AFG1L: variants seen among roughly 807,000 people sequenced by gnomAD.
The protein encoded by AFG1L is AFG1-like ATPase.
In AFG1L, 53 loss-of-function variants were observed where a neutral mutation model predicts 62.2. The ratio of observed to expected loss-of-function variants is 0.85; its 90% CI spans 0.68 to 1.07. The LOEUF (loss-of-function observed/expected upper bound fraction) is 1.07, where lower values mean the gene tolerates loss of function less well. Among genes scored for constraint, AFG1L ranks in the 50% least tolerant of loss-of-function variants. The pLI is 0.00. For missense variants in AFG1L, 555 were observed against 590.5 expected (o/e 0.94, Z 0.62); for synonymous variants, 228 against 210.3 (o/e 1.08, Z -0.73).
At chr6:108,332,447 G>C (rs1778309438) in intron 2 of AFG1L, among the ~76,000 whole-genome samples, 3 of 152,174 alleles carry the variant, frequency 2.0e-5, no homozygotes. Flanking sequence ...GTAGGAAAAG[G>C]ATTGTCTATT....
intron 8 of AFG1L, 91 bp from the exon 9 acceptor site, chr6:108,476,774 T>A (rs911809870): frequency 1.2e-6 from 1 of 847,598 alleles, no homozygotes; most frequent in Non-Finnish European, 2.0e-6. Flanking sequence ...TCTTTTTTTT[T>A]ATGGGCAAAA....
chr6:108,397,549 G>A (rs74773563), intron 6 of AFG1L, among the ~76,000 whole-genome samples: 4,576 of 152,238 alleles, frequency 0.03, 210 homozygotes, highest in African/African-American at 0.1. Flanking sequence ...GAGCCATGAC[G>A]CTCCGCCTTT....
At chr6:108,516,377 A>G (rs1449760187) in intron 11 of AFG1L, among the ~76,000 whole-genome samples, 1 of 152,238 alleles carries the variant, frequency 6.6e-6, no homozygotes, top group Non-Finnish European at 1.5e-5. Context: ...AATCCAGCAT[A>G]TCTACAGAAC....
intron 6 of AFG1L, among the ~76,000 whole-genome samples, chr6:108,377,150 G>A (rs140077644): frequency 8.1e-4 from 123 of 151,974 alleles, no homozygotes; most frequent in Non-Finnish European, 1.6e-3. Context: ...TTACATGTGA[G>A]ATGCGTCTCT....
At chr6:108,411,621 T>C (rs1220292270) in intron 7 of AFG1L, among the ~76,000 whole-genome samples, 1 of 152,240 alleles carries the variant, frequency 6.6e-6, no homozygotes, top group East Asian at 1.9e-4. Context: ...CTGCAGCCTC[T>C]GCTGCTGATA....
chr6:108,417,894 T>A (rs1367958588), intron 7 of AFG1L, among the ~76,000 whole-genome samples: 1 of 152,104 alleles, frequency 6.6e-6, no homozygotes, highest in East Asian at 1.9e-4. Context: ...AGTGCAGTGG[T>A]GCAATCTCGG....
At chr6:108,459,357 C>G (rs1772369166) in intron 8 of AFG1L, among the ~76,000 whole-genome samples, 1 of 152,214 alleles carries the variant, frequency 6.6e-6, no homozygotes, top group Non-Finnish European at 1.5e-5. Context: ...AGTCTGGAAA[C>G]TCACTAGGCA....
At chr6:108,386,335 C>T (rs1015092947) in intron 6 of AFG1L, among the ~76,000 whole-genome samples, 1 of 152,092 alleles carries the variant, frequency 6.6e-6, no homozygotes, top group African/African-American at 2.4e-5. Context: ...GTGGCGCATA[C>T]CTGTAATCCC....
At chr6:108,484,630 C>G (rs1291479185) in intron 10 of AFG1L, among the ~76,000 whole-genome samples, 5 of 152,124 alleles carry the variant, frequency 3.3e-5, no homozygotes, top group African/African-American at 9.7e-5. Flanking sequence ...AGGACATGTT[C>G]AGATAGGTGC....
chr6:108,419,548 G>C (rs544761519), intron 7 of AFG1L, among the ~76,000 whole-genome samples: 12 of 152,054 alleles, frequency 7.9e-5, no homozygotes, highest in Non-Finnish European at 1.8e-4. Flanking sequence ...CATTTGGAAG[G>C]CATCACTATC....
rs796545809 is a variant in AFG1L, at chr6:108,388,808, A to G, written c.749-13188A>G. ...AGCTTTACTTCCAACTATGTGGTCA[A>G]TTTTGGAATAGGTGTGGTGTGGTGC... On this transcript the variant is annotated intron_variant, in intron 6 of 12. Coordinates refer to ENST00000368977, the MANE Select transcript of AFG1L (RefSeq NM_145315.5). 2.0e-4 allele frequency among the ~76,000 whole-genome samples: 31 copies of G among 151,914 alleles called. No homozygotes were observed. The East Asian group carries it at 5.0e-3, about 25-fold the overall frequency.
chr6:108,403,935 T>G (rs1415949123), intron 7 of AFG1L, among the ~76,000 whole-genome samples: 1 of 152,056 alleles, frequency 6.6e-6, no homozygotes, highest in African/African-American at 2.4e-5. Context: ...ATATACAATT[T>G]AAAGTTGAAC....
chr6:108,375,331 G>T (rs1780197636), intron 6 of AFG1L, among the ~76,000 whole-genome samples: 2 of 152,044 alleles, frequency 1.3e-5, no homozygotes, highest in South Asian at 4.1e-4. Context: ...TCTTCCTCTT[G>T]CCTGATTGCT....
chr6:108,298,692 T>TA (rs1361524404), intron 1 of AFG1L, among the ~76,000 whole-genome samples: 4 of 152,214 alleles, frequency 2.6e-5, no homozygotes, highest in Non-Finnish European at 5.9e-5. Flanking sequence ...AAGAGTCTCT[T>TA]ACAGTATGTT....
At chr6:108,412,884 CATA>C (rs1237265769) in intron 7 of AFG1L, among the ~76,000 whole-genome samples, 1 of 152,176 alleles carries the variant, frequency 6.6e-6, no homozygotes, top group African/African-American at 2.4e-5. Context: ...CAGCTAACAT[CATA>C]ATGACAGGAT....
intron 2 of AFG1L, among the ~76,000 whole-genome samples, chr6:108,328,361 C>A (rs1439876559): frequency 6.6e-6 from 1 of 152,086 alleles, no homozygotes; most frequent in Non-Finnish European, 1.5e-5. Flanking sequence ...ATCTTGTTCC[C>A]TTTCTAGTCC....
At chr6:108,519,992 C>A (rs1775063022) in intron 12 of AFG1L, 182 bp downstream of exon 12, 1 of 421,474 alleles carries the variant, frequency 2.4e-6, no homozygotes, top group Non-Finnish European at 4.3e-6. Context: ...AAATTATAAA[C>A]TTACAGTGGA....
chr6:108,445,681 A>AGAGAGAGAGAGAGAGAGAGAG (rs1582598653), intron 7 of AFG1L, among the ~76,000 whole-genome samples: 1 of 140,346 alleles, frequency 7.1e-6, no homozygotes, highest in African/African-American at 2.7e-5. Context: ...AGAGAGAGAG[A>AGAGAGAGAGAGAGAGAGAGAG]AACAGCCAGT....
At chr6:108,407,032 T>C (rs553675258) in intron 7 of AFG1L, among the ~76,000 whole-genome samples, 13 of 152,174 alleles carry the variant, frequency 8.5e-5, no homozygotes, top group Admixed American at 3.3e-4. Context: ...ACTGATATCA[T>C]TGTGGGAGGA....
Sources: allele counts gnomAD v4.1 joint callset (sites outside exome capture counted in the v4.1 genomes callset), GRCh38; gene constraint gnomAD v4.1.1; transcripts MANE v1.5; gene names NCBI Gene and HGNC (gene_info 2026-07-23, HGNC 2026-07-21).